COMMD1: variants seen among roughly 807,000 people sequenced by gnomAD.
COMMD1 encodes copper metabolism domain containing 1.
In COMMD1, 10 loss-of-function variants were observed where a neutral mutation model predicts 17.2. That is an observed-to-expected ratio of 0.58 (90% confidence interval 0.36 to 0.99). The LOEUF (loss-of-function observed/expected upper bound fraction) is 0.99, where lower values mean the gene tolerates loss of function less well. Ranked by LOEUF, COMMD1 falls within the 50% of genes least tolerant of loss-of-function variation. The pLI, the probability that COMMD1 is intolerant of heterozygous loss-of-function variation, is 0.01. For missense variants in COMMD1, 270 were observed against 231.8 expected (o/e 1.17, Z -1.07); for synonymous variants, 97 against 91.6 (o/e 1.06, Z -0.34).
intron 2 of COMMD1, among the ~76,000 whole-genome samples, chr2:62,054,921 A>G (rs928349054): frequency 6.6e-6 from 1 of 152,242 alleles, no homozygotes; most frequent in Non-Finnish European, 1.5e-5. Flanking sequence ...CTGTGCATGC[A>G]AGGGATCTAG....
chr2:61,978,306 G>T (rs1208543756), intron 1 of COMMD1, among the ~76,000 whole-genome samples: 1 of 152,100 alleles, frequency 6.6e-6, no homozygotes, highest in Non-Finnish European at 1.5e-5. Context: ...ACTTTCTGTG[G>T]TTTATTTTTA....
intron 2 of COMMD1, among the ~76,000 whole-genome samples, chr2:62,130,580 C>A (rs1439642922): frequency 3.3e-5 from 5 of 152,070 alleles, no homozygotes; most frequent in African/African-American, 4.8e-5. Context: ...TAAATATGAT[C>A]CATAAATTAG....
intron 2 of COMMD1, among the ~76,000 whole-genome samples, chr2:62,100,945 T>C (rs1243724934): frequency 6.6e-6 from 1 of 152,136 alleles, no homozygotes; most frequent in Non-Finnish European, 1.5e-5. Context: ...ATTAAATATT[T>C]TGATTTTTTT....
At chr2:61,951,170 A>T (rs1671043018) in intron 1 of COMMD1, among the ~76,000 whole-genome samples, 2 of 152,114 alleles carry the variant, frequency 1.3e-5, no homozygotes, top group South Asian at 4.1e-4. Context: ...TTCAGGTAAT[A>T]TGTCTTTCTG....
intron 1 of COMMD1, among the ~76,000 whole-genome samples, chr2:61,981,579 C>G (rs1671953216): frequency 6.6e-6 from 1 of 151,978 alleles, no homozygotes; most frequent in African/African-American, 2.4e-5. Flanking sequence ...AAAGACATAC[C>G]CGAGACTGGA....
intron 1 of COMMD1, among the ~76,000 whole-genome samples, chr2:61,924,831 G>A (rs1670286758): frequency 6.6e-6 from 1 of 152,176 alleles, no homozygotes. Flanking sequence ...GCAGTGGGTA[G>A]AGGAAGAAGA....
chr2:62,058,124 TTC>T (rs1359794972), intron 2 of COMMD1, among the ~76,000 whole-genome samples: 1 of 152,194 alleles, frequency 6.6e-6, no homozygotes, highest in African/African-American at 2.4e-5. Context: ...GAGACTTACC[TTC>T]TGATTTAGCA....
chr2:61,989,357 G>C (rs187500811), intron 1 of COMMD1, among the ~76,000 whole-genome samples: 1 of 152,096 alleles, frequency 6.6e-6, no homozygotes, highest in East Asian at 1.9e-4. Context: ...ATAATGACAT[G>C]CATCTGGCAT....
chr2:61,946,569 A>T (rs1046207496), intron 1 of COMMD1, among the ~76,000 whole-genome samples: 10 of 152,180 alleles, frequency 6.6e-5, no homozygotes, highest in Non-Finnish European at 7.4e-5. Context: ...CTAGTAGTCC[A>T]AGAAATTTAG....
chr2:61,927,482 TCCCGGGTTCATG>T (rs1229135928), intron 1 of COMMD1, among the ~76,000 whole-genome samples: 1 of 150,858 alleles, frequency 6.6e-6, no homozygotes, highest in Non-Finnish European at 1.5e-5. Flanking sequence ...ACACTCCACC[TCCCGGGTTCATG>T]CCATTCTCCT....
At chr2:61,989,136 CT>C (rs1433228073) in intron 1 of COMMD1, among the ~76,000 whole-genome samples, 1 of 152,114 alleles carries the variant, frequency 6.6e-6, no homozygotes, top group Admixed American at 6.6e-5. Flanking sequence ...TGTGAAAGTG[CT>C]TTTTTATGTA....
At chr2:61,997,319 C>G (rs955678426) in intron 1 of COMMD1, among the ~76,000 whole-genome samples, 1 of 151,924 alleles carries the variant, frequency 6.6e-6, no homozygotes, top group Non-Finnish European at 1.5e-5. Context: ...ACCTCGGCCT[C>G]CCAAGTGCTG....
In COMMD1 at chr2:61,946,394, AAT is replaced by A. The variant is rs201243646; in HGVS notation, c.180+40538_180+40539del. On this transcript the variant is annotated intron_variant, in intron 1 of 2. Transcript: ENST00000311832. ...GTCAAAAGGTTCGAATGTTTGATTA[AAT>A]AGGGTCCCAGGTCACTTTTTTAAAA... is the stretch of plus-strand genomic sequence containing the variant. Among the ~76,000 whole-genome samples the A allele has an allele frequency of 4.9e-3, 752 of 152,320 alleles. 7 individuals carry two copies. The highest frequency in any genetic ancestry group is 0.017 in the African/African-American group (715 of 41,578).
intron 2 of COMMD1, among the ~76,000 whole-genome samples, chr2:62,063,059 A>G (rs1670914405): frequency 6.6e-6 from 1 of 151,980 alleles, no homozygotes; most frequent in South Asian, 2.1e-4. Flanking sequence ...TCTACTAAAA[A>G]TACAAAAATT....
At chr2:62,071,088 T>C (rs1395095196) in intron 2 of COMMD1, among the ~76,000 whole-genome samples, 1 of 152,156 alleles carries the variant, frequency 6.6e-6, no homozygotes, top group Non-Finnish European at 1.5e-5. Context: ...AGCAGAGGCA[T>C]GGGCTGCTTA....
chr2:61,973,258 G>GT (rs1671700731), intron 1 of COMMD1, among the ~76,000 whole-genome samples: 1 of 152,148 alleles, frequency 6.6e-6, no homozygotes, highest in South Asian at 2.1e-4. Flanking sequence ...AAGGGTTCCT[G>GT]TAAGGTTTTT....
intron 2 of COMMD1, among the ~76,000 whole-genome samples, chr2:62,070,606 A>T (rs1671173686): frequency 1.3e-5 from 2 of 152,040 alleles, no homozygotes; most frequent in South Asian, 2.1e-4. Flanking sequence ...TATTTGCAGG[A>T]TGTGAAACCC....
chr2:61,989,532 G>A (rs1189184414), intron 1 of COMMD1, among the ~76,000 whole-genome samples: 2 of 151,348 alleles, frequency 1.3e-5, no homozygotes, highest in Non-Finnish European at 2.9e-5. Context: ...GCACAATCTG[G>A]GCTCACTGCA....
At chr2:61,938,875 C>G (rs1482168202) in intron 1 of COMMD1, among the ~76,000 whole-genome samples, 1 of 152,046 alleles carries the variant, frequency 6.6e-6, no homozygotes, top group East Asian at 1.9e-4. Flanking sequence ...TATGTCAGAA[C>G]AGAAAAAGGA....
Sources: allele counts gnomAD v4.1 joint callset (sites outside exome capture counted in the v4.1 genomes callset), GRCh38; gene constraint gnomAD v4.1.1; transcripts MANE v1.5; gene names NCBI Gene and HGNC (gene_info 2026-07-23, HGNC 2026-07-21).